RGS6: variants seen among roughly 807,000 people sequenced by gnomAD.
RGS6 encodes regulator of G-protein signaling 6.
Under a neutral mutation model 78.5 loss-of-function variants are expected in RGS6, and 30 were observed. The ratio of observed to expected loss-of-function variants is 0.38; its 90% CI spans 0.29 to 0.52. The LOEUF (loss-of-function observed/expected upper bound fraction) is 0.52. Ranked by LOEUF, RGS6 falls within the 20% of genes least tolerant of loss-of-function variation. The probability of loss-of-function intolerance (pLI) is 0.85; values close to 1 mark genes in which losing one functional copy is unlikely to be tolerated. For synonymous variants in RGS6, 206 were observed against 206.0 expected (o/e 1.00, Z 0.00); for missense variants, 495 against 609.7 (o/e 0.81, Z 1.98).
At chr14:72,410,703 T>C (rs151187833) in intron 3 of RGS6, among the ~76,000 whole-genome samples, 6,947 of 152,220 alleles carry the variant, frequency 0.046, 339 homozygotes, top group East Asian at 0.32. Context: ...TGGTTTTAGG[T>C]CTAACATGTA....
At chr14:72,544,351 G>A (rs990317396) in intron 17 of RGS6, among the ~76,000 whole-genome samples, 1 of 152,206 alleles carries the variant, frequency 6.6e-6, no homozygotes, top group Non-Finnish European at 1.5e-5. Flanking sequence ...AGCCCCGAGT[G>A]AGGCTGGTGT....
intron 3 of RGS6, among the ~76,000 whole-genome samples, chr14:72,359,163 C>G (rs1042033062): frequency 6.6e-6 from 1 of 152,172 alleles, no homozygotes; most frequent in Non-Finnish European, 1.5e-5. Flanking sequence ...GTCAATTAAA[C>G]CTCTTTTCTT....
chr14:71,986,048 G>A (rs559605679), intron 2 of RGS6, among the ~76,000 whole-genome samples: 1 of 152,158 alleles, frequency 6.6e-6, no homozygotes, highest in Admixed American at 6.5e-5. Flanking sequence ...CAGCTCTTCT[G>A]TCACACACTT....
At chr14:72,478,715 G>C (rs1209465288) in intron 12 of RGS6, among the ~76,000 whole-genome samples, 1 of 152,204 alleles carries the variant, frequency 6.6e-6, no homozygotes, top group Non-Finnish European at 1.5e-5. Flanking sequence ...TGTGTCCTTT[G>C]AGGTGCTGGC....
At chr14:72,044,455 G>A (rs2092678685) in intron 2 of RGS6, among the ~76,000 whole-genome samples, 1 of 152,074 alleles carries the variant, frequency 6.6e-6, no homozygotes, top group Admixed American at 6.5e-5. Flanking sequence ...GAGGAGAAAT[G>A]AATTCATATT....
intron 3 of RGS6, among the ~76,000 whole-genome samples, chr14:72,358,299 G>C (rs2080776708): frequency 6.6e-6 from 1 of 152,208 alleles, no homozygotes. Flanking sequence ...GCACTGCCTA[G>C]AGGAGCTGTA....
intron 1 of RGS6, among the ~76,000 whole-genome samples, chr14:71,943,261 C>T (rs1266781867): frequency 1.3e-5 from 2 of 152,084 alleles, no homozygotes; most frequent in Non-Finnish European, 2.9e-5. Flanking sequence ...GTTTTCTCGT[C>T]TGTGAAAGAA....
intron 2 of RGS6, among the ~76,000 whole-genome samples, chr14:72,181,093 A>G (rs2097168153): frequency 6.6e-6 from 1 of 152,216 alleles, no homozygotes; most frequent in Non-Finnish European, 1.5e-5. Flanking sequence ...ATTATAAGAC[A>G]TCCCTTCAGT....
chr14:72,435,639 T>C (rs1293806721), intron 3 of RGS6, among the ~76,000 whole-genome samples: 9 of 152,180 alleles, frequency 5.9e-5, no homozygotes, highest in Non-Finnish European at 1.3e-4. Flanking sequence ...TATTGCTTTT[T>C]CTAGCTTCTC....
intron 17 of RGS6, among the ~76,000 whole-genome samples, chr14:72,561,256 A>G (rs1349090781): frequency 1.3e-5 from 2 of 152,166 alleles, no homozygotes; most frequent in Non-Finnish European, 2.9e-5. Flanking sequence ...GGAAATGAAC[A>G]TGAGGAATCG....
At chr14:72,200,963 A>G (rs17841074) in intron 2 of RGS6, among the ~76,000 whole-genome samples, 519 of 6,592 alleles carry the variant, frequency 0.079, 8 homozygotes, top group Middle Eastern at 0.42. Flanking sequence ...GCTCTGCTTA[A>G]AAAAAAAAAA....
At chr14:72,343,090 C>G (rs533070240) in intron 2 of RGS6, among the ~76,000 whole-genome samples, 2 of 152,168 alleles carry the variant, frequency 1.3e-5, no homozygotes, top group South Asian at 4.1e-4. Context: ...TGTGTGTATT[C>G]GTTTTCTATT....
At chr14:72,032,747 T>C (rs2091099629) in intron 2 of RGS6, among the ~76,000 whole-genome samples, 1 of 152,196 alleles carries the variant, frequency 6.6e-6, no homozygotes, top group Non-Finnish European at 1.5e-5. Context: ...AGCATAATGT[T>C]CTCAAGGTTC....
the RGS6 span, among the ~76,000 whole-genome samples, chr14:71,905,759 G>A: frequency 6.6e-6 from 1 of 152,194 alleles, no homozygotes; most frequent in Non-Finnish European, 1.5e-5. Context: ...CAAAGTGCTA[G>A]GATACAGGCA....
intron 2 of RGS6, among the ~76,000 whole-genome samples, chr14:72,230,576 G>A (rs575937382): frequency 9.2e-5 from 14 of 152,122 alleles, no homozygotes; most frequent in Non-Finnish European, 1.8e-4. Context: ...ATATATATGC[G>A]TACGTACACA....
intron 2 of RGS6, among the ~76,000 whole-genome samples, chr14:72,056,494 A>C (rs188343005): frequency 2.0e-5 from 3 of 152,324 alleles, no homozygotes; most frequent in Non-Finnish European, 4.4e-5. Flanking sequence ...AGAATTTCTT[A>C]TTAAAAATTG....
intron 2 of RGS6, among the ~76,000 whole-genome samples, chr14:72,053,079 CCCTTCCTT>C (rs1226350902): frequency 0.031 from 529 of 16,842 alleles, 14 homozygotes; most frequent in South Asian, 0.053. Context: ...CTCCCTCCCT[CCCTTCCTT>C]CCTTCCTTCC....
At chr14:72,435,240 C>T (rs186863942) in intron 3 of RGS6, among the ~76,000 whole-genome samples, 4 of 152,308 alleles carry the variant, frequency 2.6e-5, no homozygotes, top group Admixed American at 2.6e-4. Flanking sequence ...CAAGATGTGG[C>T]CAGTTCTCTT....
In RGS6 at chr14:72,460,485, A is replaced by C. The variant is rs538255934; in HGVS notation, c.394+802A>C. Among the ~76,000 whole-genome samples the C allele has an allele frequency of 9.2e-5, 14 of 152,270 alleles. No individual in the cohort carries two copies. The South Asian group carries it at 2.9e-3, about 32-fold the overall frequency. ...TCTGAGGCAGAATTAGTGCTCAGTA[A>C]ATATCCACTGACAGTTCTGGTTCTT... On this transcript the variant is annotated intron_variant, in intron 6 of 17. Transcript: ENST00000553525.
Sources: gnomAD v4.1 joint callset for allele counts (sites outside exome capture counted in the v4.1 genomes callset) on GRCh38, gnomAD v4.1.1 for gene constraint, MANE v1.5 for transcripts, NCBI Gene and HGNC (gene_info 2026-07-23, HGNC 2026-07-21) for gene names.